CPNE8: variants seen among roughly 807,000 people sequenced by gnomAD.
The protein encoded by CPNE8 is copine 8, also known as copine-8.
Under a neutral mutation model 81.5 loss-of-function variants are expected in CPNE8, and 45 were observed. The observed-to-expected ratio is 0.55, with a 90% CI of 0.44 to 0.71. The LOEUF is 0.71. CPNE8 is among the 30% of genes least tolerant of loss of function. The pLI, the probability that CPNE8 is intolerant of heterozygous loss-of-function variation, is 0.00. For missense variants in CPNE8, 594 were observed against 672.1 expected (o/e 0.88, Z 1.28); for synonymous variants, 252 against 226.3 (o/e 1.11, Z -1.02).
intron 13 of CPNE8, among the ~76,000 whole-genome samples, chr12:38,711,096 T>G (rs1179336694): frequency 6.6e-6 from 1 of 152,176 alleles, no homozygotes; most frequent in Non-Finnish European, 1.5e-5. Context: ...CGAAGAAAAG[T>G]TATATGTTTC....
intron 3 of CPNE8, among the ~76,000 whole-genome samples, chr12:38,858,649 A>G (rs1221866118): frequency 6.6e-6 from 1 of 152,208 alleles, no homozygotes; most frequent in Admixed American, 6.5e-5. Flanking sequence ...GCACATTGGT[A>G]GACATCTTAT....
intron 16 of CPNE8, among the ~76,000 whole-genome samples, chr12:38,684,321 GAGA>G (rs1395917703): frequency 6.6e-6 from 1 of 152,060 alleles, no homozygotes; most frequent in African/African-American, 2.4e-5. Flanking sequence ...AAGAGAAATA[GAGA>G]AGAACAGGTG....
intron 13 of CPNE8, among the ~76,000 whole-genome samples, chr12:38,717,459 A>ATATATATATATATATAT (rs1565581515): frequency 7.1e-6 from 1 of 140,100 alleles, no homozygotes; most frequent in African/African-American, 2.6e-5. Flanking sequence ...ATATATATAT[A>ATATATATATATATATAT]CACCATGGAA....
intron 10 of CPNE8, among the ~76,000 whole-genome samples, chr12:38,741,362 C>G (rs1219220737): frequency 1.3e-5 from 2 of 152,104 alleles, no homozygotes; most frequent in Non-Finnish European, 2.9e-5. Context: ...GAACAGAGCC[C>G]TCAGAATTAA....
At chr12:38,748,795 C>A (rs1414604943) in intron 10 of CPNE8, among the ~76,000 whole-genome samples, 2 of 151,934 alleles carry the variant, frequency 1.3e-5, no homozygotes, top group African/African-American at 4.8e-5. Flanking sequence ...AAATTAGTTT[C>A]AAAAAATTTG....
chr12:38,873,105 TGAATGTATACAATTTA>T (rs1231740531), intron 2 of CPNE8, 55 bp from the exon 3 acceptor site: 1 of 1,056,264 alleles, frequency 9.5e-7, no homozygotes, highest in East Asian at 2.5e-5. Context: ...AAATCATATG[TGAATGTATACAATTTA>T]TTTTTCAGCT....
chr12:38,763,719 T>G (rs1375057786), intron 8 of CPNE8, among the ~76,000 whole-genome samples: 1 of 152,202 alleles, frequency 6.6e-6, no homozygotes, highest in Non-Finnish European at 1.5e-5. Flanking sequence ...TGCAGCAGTT[T>G]CTGAGCTAGA....
chr12:38,837,056 T>C (rs1943393450), intron 5 of CPNE8, among the ~76,000 whole-genome samples: 1 of 152,056 alleles, frequency 6.6e-6, no homozygotes. Flanking sequence ...ATATAAAGGA[T>C]AGCTTAAAAT....
chr12:38,733,695 T>C (rs1455404851), intron 10 of CPNE8, among the ~76,000 whole-genome samples: 2 of 151,978 alleles, frequency 1.3e-5, no homozygotes, highest in African/African-American at 4.8e-5. Context: ...ATTACATGTA[T>C]GTGTTATTTA....
intron 16 of CPNE8, chr12:38,679,647 A>AT (rs1939368636): frequency 1.1e-5 from 11 of 985,006 alleles, no homozygotes; most frequent in Non-Finnish European, 1.3e-5. Context: ...TTAATCTTTT[A>AT]AAACCAGTTG....
In CPNE8 at chr12:38,652,399, T is replaced by G. The variant is rs1000463890; in HGVS notation, c.*1483A>C. The G allele has an allele frequency of 1.3e-5, 2 of 152,548 alleles. No homozygotes were observed. Among genetic ancestry groups the G allele is most frequent in the African/African-American group, 4.8e-5 (2 of 41,438 alleles). The allele number at this position is 152,548 out of a possible 1,614,324, so 9.4% of individuals were successfully genotyped here. Reference sequence around the variant, plus strand: ...TTAATACATAATTAAAAATCAACAATTATTACATAGTTATATAACATTGAT... The same window carrying G: ...TTAATACATAATTAAAAATCAACAAGTATTACATAGTTATATAACATTGAT... On this transcript the variant is annotated 3_prime_UTR_variant, in exon 20 of 20. Transcript: ENST00000331366.
At chr12:38,794,686 C>T (rs777209365) in intron 6 of CPNE8, among the ~76,000 whole-genome samples, 10 of 148,736 alleles carry the variant, frequency 6.7e-5, no homozygotes, top group Admixed American at 4.0e-4. Context: ...TTGGCAATAA[C>T]ATGGCAAAAC....
chr12:38,819,560 G>A lies in CPNE8; in HGVS notation c.407+9819C>T, dbSNP rs1000270705. On this transcript the variant is annotated intron_variant, in intron 6 of 19. Transcript: ENST00000331366. ...AGGCAGGCGGATCACAAGGTCAGGA[G>A]ATCGAGACCATCCTGGCTAACATGG... Among the ~76,000 whole-genome samples, 21 of 152,162 alleles carry A rather than the reference G, an allele frequency of 1.4e-4. No homozygotes were observed. In the East Asian group the frequency reaches 3.9e-3, roughly 28 times the overall value.
intron 1 of CPNE8, among the ~76,000 whole-genome samples, chr12:38,904,958 A>AG (rs1470142713): frequency 2.0e-5 from 3 of 152,162 alleles, no homozygotes; most frequent in Admixed American, 1.3e-4. Flanking sequence ...GGAAGGCTCC[A>AG]GGAAGTGGGT....
At chr12:38,710,278 A>AAAAAAC (rs1247310584) in intron 13 of CPNE8, among the ~76,000 whole-genome samples, 1 of 148,822 alleles carries the variant, frequency 6.7e-6, no homozygotes, top group Non-Finnish European at 1.5e-5. Context: ...CAAAAAAAAA[A>AAAAAAC]AAAAAAAAAA....
chr12:38,697,326 A>G (rs1398107104), intron 14 of CPNE8, among the ~76,000 whole-genome samples: 3 of 152,166 alleles, frequency 2.0e-5, no homozygotes, highest in Non-Finnish European at 1.5e-5. Context: ...ACAACCATCT[A>G]TCTTATAGCC....
chr12:38,869,183 A>T (rs1023158002), intron 3 of CPNE8, among the ~76,000 whole-genome samples: 1 of 152,180 alleles, frequency 6.6e-6, no homozygotes, highest in Non-Finnish European at 1.5e-5. Context: ...AGTAAATCCC[A>T]TAAGTCATTT....
intron 1 of CPNE8, among the ~76,000 whole-genome samples, chr12:38,884,013 T>A (rs976577746): frequency 6.6e-6 from 1 of 152,222 alleles, no homozygotes; most frequent in African/African-American, 2.4e-5. Flanking sequence ...CCACAGTATC[T>A]TTTTATAACA....
intron 10 of CPNE8, among the ~76,000 whole-genome samples, chr12:38,744,062 G>T (rs2388058): frequency 6.6e-6 from 1 of 151,810 alleles, no homozygotes; most frequent in East Asian, 1.9e-4. Flanking sequence ...AAGCAGCATC[G>T]AGTGTGAAAA....
Sources: gnomAD v4.1 joint callset for allele counts (sites outside exome capture counted in the v4.1 genomes callset) on GRCh38, gnomAD v4.1.1 for gene constraint, MANE v1.5 for transcripts, NCBI Gene and HGNC (gene_info 2026-07-23, HGNC 2026-07-21) for gene names.